Variants in LYPLAL1 observed in about 807,000 individuals in gnomAD.
LYPLAL1 encodes lysophospholipase-like protein 1.
Under a neutral mutation model 19.7 loss-of-function variants are expected in LYPLAL1, and 23 were observed. The ratio of observed to expected loss-of-function variants is 1.17; its 90% confidence interval spans 0.84 to 1.65. The LOEUF is 1.65. Among genes scored for constraint, LYPLAL1 ranks in the 40% most tolerant of loss-of-function variants. LYPLAL1 has a pLI of 0.00. For missense variants in LYPLAL1, 355 were observed against 279.4 expected, an observed-to-expected ratio of 1.27 and a Z score of -1.93; for synonymous variants, 119 against 96.3, an observed-to-expected ratio of 1.24 and a Z score of -1.38.
the LYPLAL1 span, among the ~76,000 whole-genome samples, chr1:219,377,404 G>A: frequency 6.6e-6 from 1 of 152,168 alleles, no homozygotes; most frequent in African/African-American, 2.4e-5. Flanking sequence ...ATCTTCTGGA[G>A]TTGGATGGTG....
the LYPLAL1 span, among the ~76,000 whole-genome samples, chr1:219,443,869 A>G: frequency 1.3e-5 from 2 of 152,230 alleles, no homozygotes. Flanking sequence ...CTGGTAGCTC[A>G]GGGTACCAGG....
the LYPLAL1 span, among the ~76,000 whole-genome samples, chr1:219,438,876 C>T: frequency 1.3e-5 from 2 of 152,152 alleles, no homozygotes; most frequent in Non-Finnish European, 2.9e-5. Flanking sequence ...TGACAAAGGA[C>T]ATTAGTATGT....
the LYPLAL1 span, among the ~76,000 whole-genome samples, chr1:219,415,821 G>A: frequency 1.3e-5 from 2 of 152,172 alleles, no homozygotes; most frequent in African/African-American, 4.8e-5. Context: ...CTAGATTTTG[G>A]TAGTGGCCAG....
the LYPLAL1 span, among the ~76,000 whole-genome samples, chr1:219,230,524 CATA>C: frequency 6.6e-6 from 1 of 152,162 alleles, no homozygotes; most frequent in Non-Finnish European, 1.5e-5. Context: ...TTTCCTGATT[CATA>C]ATGTTTTCAA....
At chr1:219,418,063 C>T in the LYPLAL1 span, among the ~76,000 whole-genome samples, 1,450 of 152,270 alleles carry the variant, frequency 9.5e-3, 7 homozygotes, top group Non-Finnish European at 0.016. Flanking sequence ...TCATCAGCTA[C>T]TGCGTTCTCT....
At chr1:219,312,821 G>T in the LYPLAL1 span, among the ~76,000 whole-genome samples, 1 of 152,114 alleles carries the variant, frequency 6.6e-6, no homozygotes, top group Non-Finnish European at 1.5e-5. Context: ...TCTTCTCCTG[G>T]TCTATTGGTG....
the LYPLAL1 span, among the ~76,000 whole-genome samples, chr1:219,302,194 T>C: frequency 2.0e-5 from 3 of 152,222 alleles, no homozygotes; most frequent in Admixed American, 2.0e-4. Context: ...ACTTCATTTG[T>C]ACTTACCTCA....
chr1:219,276,882 C>T, the LYPLAL1 span, among the ~76,000 whole-genome samples: 7 of 152,102 alleles, frequency 4.6e-5, no homozygotes, highest in Admixed American at 1.3e-4. Context: ...AGATGTTTCA[C>T]CCCAGTTATT....
the LYPLAL1 span, among the ~76,000 whole-genome samples, chr1:219,284,755 CT>C: frequency 6.6e-6 from 1 of 152,156 alleles, no homozygotes; most frequent in Admixed American, 6.5e-5. Context: ...TGTTAAAGAC[CT>C]TCCCATGGTC....
At chr1:219,282,677 G>A in the LYPLAL1 span, among the ~76,000 whole-genome samples, 53 of 152,140 alleles carry the variant, frequency 3.5e-4, no homozygotes, top group Admixed American at 7.2e-4. Context: ...GGAACAAAGC[G>A]TGAAAAATTC....
At chr1:219,227,652 C>CA in the LYPLAL1 span, among the ~76,000 whole-genome samples, 55 of 147,992 alleles carry the variant, frequency 3.7e-4, no homozygotes, top group African/African-American at 1.2e-3. Context: ...TAGGACTTGG[C>CA]AAAAAAAAAT....
At chr1:219,306,823 G>GAT in the LYPLAL1 span, among the ~76,000 whole-genome samples, 1 of 101,122 alleles carries the variant, frequency 9.9e-6, no homozygotes, top group African/African-American at 4.4e-5. Context: ...TAGATAGATA[G>GAT]ATAGATAGAT....
the LYPLAL1 span, among the ~76,000 whole-genome samples, chr1:219,376,796 C>T: frequency 6.6e-6 from 1 of 152,092 alleles, no homozygotes; most frequent in African/African-American, 2.4e-5. Flanking sequence ...GGGCAATTAG[C>T]AACACAGACA....
the LYPLAL1 span, among the ~76,000 whole-genome samples, chr1:219,441,219 T>C: frequency 6.6e-6 from 1 of 152,232 alleles, no homozygotes; most frequent in Non-Finnish European, 1.5e-5. Context: ...GATTTGAAGA[T>C]ATTTTATAAA....
the LYPLAL1 span, among the ~76,000 whole-genome samples, chr1:219,284,688 G>A: frequency 6.6e-6 from 1 of 152,174 alleles, no homozygotes; most frequent in East Asian, 1.9e-4. Flanking sequence ...ACTCTATGAT[G>A]TAGGGACTAC....
the LYPLAL1 span, among the ~76,000 whole-genome samples, chr1:219,324,745 G>C: frequency 6.6e-6 from 1 of 152,132 alleles, no homozygotes; most frequent in Admixed American, 6.5e-5. Flanking sequence ...GTGTGTTGAG[G>C]TCAGGTTGAA....
At chr1:219,423,516 C>T in the LYPLAL1 span, among the ~76,000 whole-genome samples, 1 of 152,248 alleles carries the variant, frequency 6.6e-6, no homozygotes, top group Middle Eastern at 3.4e-3. Flanking sequence ...CCCTAATAAC[C>T]TATTACATCC....
chr1:219,439,979 A>ATATATATACG, the LYPLAL1 span, among the ~76,000 whole-genome samples: 534 of 65,512 alleles, frequency 8.2e-3, 6 homozygotes, highest in African/African-American at 0.031. Flanking sequence ...ATATACATAT[A>ATATATATACG]TATATATATA....
At chr1:219,338,214 A>C in the LYPLAL1 span, among the ~76,000 whole-genome samples, 1 of 152,022 alleles carries the variant, frequency 6.6e-6, no homozygotes, top group African/African-American at 2.4e-5. Context: ...ACTAATGTCA[A>C]CCAGGGATAG....
Sources: gnomAD v4.1 joint callset for allele counts (sites outside exome capture counted in the v4.1 genomes callset) on GRCh38, gnomAD v4.1.1 for gene constraint, MANE v1.5 for transcripts, NCBI Gene and HGNC (gene_info 2026-07-23, HGNC 2026-07-21) for gene names.